Variants in LMBR1 observed in about 807,000 individuals in gnomAD.
LMBR1 encodes limb development membrane protein 1.
In LMBR1, 52 loss-of-function variants were observed where a neutral mutation model predicts 73.9. The ratio of observed to expected loss-of-function variants is 0.70; its 90% CI spans 0.56 to 0.89. LMBR1 has a LOEUF of 0.89. Among genes scored for constraint, LMBR1 ranks in the 40% least tolerant of loss-of-function variants. The pLI, the probability that LMBR1 is intolerant of heterozygous loss-of-function variation, is 0.00. For synonymous variants in LMBR1, 215 were observed against 209.4 expected (o/e 1.03, Z -0.23); for missense variants, 539 against 579.8 (o/e 0.93, Z 0.72).
At chr7:156,883,712 C>T (rs12539005) in intron 1 of LMBR1, among the ~76,000 whole-genome samples, 5,993 of 152,248 alleles carry the variant, frequency 0.039, 171 homozygotes, top group Non-Finnish European at 0.049. Context: ...TTTCTAGCTT[C>T]TGGAGGCCGC....
intron 9 of LMBR1, among the ~76,000 whole-genome samples, chr7:156,738,176 G>A (rs1030146027): frequency 5.9e-5 from 9 of 152,152 alleles, no homozygotes; most frequent in Admixed American, 1.3e-4. Flanking sequence ...ACTTGGGGGA[G>A]GGAGAGCACA....
intron 5 of LMBR1, chr7:156,779,774 C>T (rs1346023166): frequency 1.0e-6 from 1 of 973,200 alleles, no homozygotes; most frequent in Non-Finnish European, 1.4e-6. Flanking sequence ...TATGTCTCTA[C>T]CCATTAGGAA....
Position 156,761,386 on chromosome 7 carries a change from T to C in LMBR1, c.684+748A>G, listed in dbSNP as rs186260828. Among the ~76,000 whole-genome samples, 23 of 152,278 alleles carry C rather than the reference T, an allele frequency of 1.5e-4. No homozygotes were observed. In the East Asian group the frequency reaches 3.5e-3, roughly 23 times the overall value. On this transcript the variant is annotated intron_variant, in intron 8 of 16. Coordinates refer to ENST00000353442, the MANE Select transcript of LMBR1 (RefSeq NM_022458.4). ...TGAAAATCATTTAAAAACTAATATA[T>C]AGTGTTTCTAAGATGAAAGGTAAAG... is the stretch of plus-strand genomic sequence containing the variant.
intron 5 of LMBR1, among the ~76,000 whole-genome samples, chr7:156,784,782 A>G (rs1425914980): frequency 1.3e-5 from 2 of 152,188 alleles, no homozygotes; most frequent in African/African-American, 2.4e-5. Context: ...AGGTAACTCT[A>G]ACTCTACACA....
intron 5 of LMBR1, among the ~76,000 whole-genome samples, chr7:156,777,250 T>A (rs1049021949): frequency 4.8e-4 from 73 of 152,208 alleles, no homozygotes; most frequent in African/African-American, 1.6e-3. Context: ...CAACATTTTT[T>A]AAAATGTTTT....
intron 9 of LMBR1, among the ~76,000 whole-genome samples, chr7:156,747,702 A>G (rs1040857644): frequency 6.6e-6 from 1 of 152,166 alleles, no homozygotes; most frequent in Non-Finnish European, 1.5e-5. Context: ...ACCAAAAAAA[A>G]GTTTGATTAG....
intron 15 of LMBR1, among the ~76,000 whole-genome samples, chr7:156,700,336 G>C (rs967625312): frequency 3.3e-5 from 5 of 151,868 alleles, no homozygotes; most frequent in Non-Finnish European, 5.9e-5. Context: ...GGTGGGAATC[G>C]AACAATGAGA....
intron 8 of LMBR1, among the ~76,000 whole-genome samples, 177 bp downstream of exon 8, chr7:156,761,957 A>G (rs1181529514): frequency 7.3e-6 from 1 of 137,652 alleles, no homozygotes; most frequent in African/African-American, 2.8e-5. Flanking sequence ...AGCCTGGGCG[A>G]CAGAGCAAGA....
At chr7:156,868,220 G>A (rs1431259482) in intron 1 of LMBR1, among the ~76,000 whole-genome samples, 5 of 143,808 alleles carry the variant, frequency 3.5e-5, no homozygotes, top group Non-Finnish European at 7.5e-5. Flanking sequence ...TTGAGACGAC[G>A]TCTCACTCTG....
intron 15 of LMBR1, among the ~76,000 whole-genome samples, chr7:156,721,942 CAAT>C (rs1352561468): frequency 2.0e-5 from 3 of 151,948 alleles, no homozygotes; most frequent in East Asian, 1.9e-4. Context: ...GATGCATCAA[CAAT>C]AATAGTGGGC....
At chr7:156,877,612 G>A (rs749437386) in intron 1 of LMBR1, among the ~76,000 whole-genome samples, 3 of 152,130 alleles carry the variant, frequency 2.0e-5, no homozygotes, top group Admixed American at 1.3e-4. Flanking sequence ...GGCCGGGCGC[G>A]GTGGCTCATG....
At chr7:156,686,527 C>T (rs1806053693) in intron 16 of LMBR1, among the ~76,000 whole-genome samples, 1 of 152,026 alleles carries the variant, frequency 6.6e-6, no homozygotes, top group Admixed American at 6.6e-5. Context: ...CGTAGCACAC[C>T]CCAAAGAATA....
At chr7:156,743,165 C>T (rs1432001675) in intron 9 of LMBR1, among the ~76,000 whole-genome samples, 2 of 152,090 alleles carry the variant, frequency 1.3e-5, no homozygotes, top group Non-Finnish European at 2.9e-5. Context: ...GCTCACTCTA[C>T]TTCGTCTGGT....
intron 4 of LMBR1, among the ~76,000 whole-genome samples, chr7:156,819,034 A>C (rs1484230579): frequency 6.6e-6 from 1 of 152,224 alleles, no homozygotes; most frequent in East Asian, 1.9e-4. Context: ...CCCAGAGGCC[A>C]GAGGATCATC....
intron 1 of LMBR1, among the ~76,000 whole-genome samples, chr7:156,844,615 GA>G (rs71923215): frequency 0.4 from 50,913 of 128,274 alleles, 9,011 homozygotes; most frequent in East Asian, 0.65. Context: ...ACACCTGAAT[GA>G]AAAAAAAAAA....
chr7:156,800,691 C>T (rs1012499831), intron 4 of LMBR1, among the ~76,000 whole-genome samples: 64 of 152,248 alleles, frequency 4.2e-4, no homozygotes, highest in African/African-American at 1.5e-3. Flanking sequence ...GCTATACCTG[C>T]TACAGATTCC....
chr7:156,853,014 T>C (rs904732019), intron 1 of LMBR1, among the ~76,000 whole-genome samples: 5 of 151,842 alleles, frequency 3.3e-5, no homozygotes, highest in South Asian at 2.1e-4. Flanking sequence ...TCTCAGCTCA[T>C]TGCAAGCTCT....
At chr7:156,727,901 GAA>G in intron 12 of LMBR1, 27 bp downstream of exon 12, 1 of 1,542,854 alleles carries the variant, frequency 6.5e-7, no homozygotes, top group Non-Finnish European at 8.9e-7. Flanking sequence ...TTTTGCAAAA[GAA>G]AGACATTTTA....
chr7:156,820,675 C>G (rs1318863193), intron 4 of LMBR1, among the ~76,000 whole-genome samples: 2 of 152,184 alleles, frequency 1.3e-5, no homozygotes, highest in Non-Finnish European at 2.9e-5. Flanking sequence ...AAAAAAGAGG[C>G]ATAACATCTA....
Sources: allele counts gnomAD v4.1 joint callset (sites outside exome capture counted in the v4.1 genomes callset), GRCh38; gene constraint gnomAD v4.1.1; transcripts MANE v1.5; gene names NCBI Gene and HGNC (gene_info 2026-07-23, HGNC 2026-07-21).